The following SLC4A4 variants were observed in gnomAD, a reference collection of about 807,000 sequenced individuals.
SLC4A4 encodes the protein solute carrier family 4 member 4, also known as electrogenic sodium bicarbonate cotransporter 1.
Under a neutral mutation model 111.5 loss-of-function variants are expected in SLC4A4, and 27 were observed. The observed-to-expected ratio is 0.24, with a 90% confidence interval of 0.18 to 0.33. The LOEUF is 0.33. Among genes scored for constraint, SLC4A4 ranks in the 10% least tolerant of loss-of-function variants. The pLI is 1.00. For synonymous variants in SLC4A4, 443 were observed against 463.4 expected, an observed-to-expected ratio of 0.96 and a Z score of 0.57; for missense variants, 909 against 1,315.5, an observed-to-expected ratio of 0.69 and a Z score of 4.78.
At chr4:71,299,510 C>T (rs931422918) in intron 3 of SLC4A4, among the ~76,000 whole-genome samples, 2 of 152,108 alleles carry the variant, frequency 1.3e-5, no homozygotes, top group Non-Finnish European at 2.9e-5. Context: ...TATAAGCCTC[C>T]GAGTAGGCTG....
chr4:71,224,673 G>A (rs1318377842), intron 1 of SLC4A4, among the ~76,000 whole-genome samples: 1 of 152,208 alleles, frequency 6.6e-6, no homozygotes, highest in Non-Finnish European at 1.5e-5. Context: ...GATTGCTACA[G>A]GATGCTCCGG....
At chr4:71,272,041 G>A (rs1722738920) in intron 3 of SLC4A4, among the ~76,000 whole-genome samples, 1 of 152,182 alleles carries the variant, frequency 6.6e-6, no homozygotes, top group African/African-American at 2.4e-5. Flanking sequence ...TACAGCCTGT[G>A]TCCTCACCAT....
chr4:71,264,650 C>T (rs1320839205), intron 3 of SLC4A4, among the ~76,000 whole-genome samples: 4 of 152,110 alleles, frequency 2.6e-5, no homozygotes, highest in Admixed American at 2.6e-4. Flanking sequence ...ATCCAGAACA[C>T]ATGCATGAGC....
rs753160492 is a variant in SLC4A4 at position 71,329,982 on chromosome 4, C to T, written c.254-9388C>T. 5.9e-5 allele frequency among the ~76,000 whole-genome samples: 9 copies of T among 152,188 alleles called. No individual in the cohort carries two copies. The South Asian group carries it at 1.9e-3, about 32-fold the overall frequency. ...TATTAATATTATATTGAGGTATGTTCCTTCTGTAACCAGATTTTAGAGGGT... is the reference window on the plus strand; with the variant it reads ...TATTAATATTATATTGAGGTATGTTTCTTCTGTAACCAGATTTTAGAGGGT... On this transcript the variant is annotated intron_variant, in intron 3 of 25. Transcript: ENST00000264485.
intron 2 of SLC4A4, among the ~76,000 whole-genome samples, chr4:71,116,163 G>A (rs1416655268): frequency 6.6e-6 from 1 of 152,150 alleles, no homozygotes; most frequent in Non-Finnish European, 1.5e-5. Flanking sequence ...CAAAGTGCTG[G>A]GATTATAGGT....
intron 2 of SLC4A4, among the ~76,000 whole-genome samples, chr4:71,245,729 C>T (rs1010729048): frequency 1.3e-5 from 2 of 151,992 alleles, no homozygotes; most frequent in African/African-American, 4.8e-5. Flanking sequence ...ATCTGGGAGT[C>T]CTAGGCATAT....
At chr4:71,141,231 A>G (rs911189926) in intron 2 of SLC4A4, among the ~76,000 whole-genome samples, 2 of 152,218 alleles carry the variant, frequency 1.3e-5, no homozygotes, top group Admixed American at 6.5e-5. Context: ...CAGCTTCCAC[A>G]TATAAGTGAA....
intron 15 of SLC4A4, among the ~76,000 whole-genome samples, chr4:71,497,171 G>A (rs966495139): frequency 6.6e-6 from 1 of 152,120 alleles, no homozygotes; most frequent in Non-Finnish European, 1.5e-5. Context: ...TTGAGACTTA[G>A]AATATTAATG....
chr4:71,165,443 T>C (rs1363881803), intron 2 of SLC4A4, among the ~76,000 whole-genome samples: 2 of 152,004 alleles, frequency 1.3e-5, no homozygotes, highest in Admixed American at 1.3e-4. Context: ...CTCAGCAAAC[T>C]AACAGAGGAA....
At position 71,249,008 on chromosome 4, in the gene SLC4A4, A is replaced by G. The variant is rs921073033; in HGVS notation, c.74-6212A>G. 7.9e-5 allele frequency among the ~76,000 whole-genome samples: 12 copies of G among 152,252 alleles called. No homozygotes were observed. The East Asian group carries it at 2.3e-3, about 29-fold the overall frequency. On this transcript the variant is annotated intron_variant, in intron 2 of 25. Coordinates refer to ENST00000264485, the MANE Select transcript of SLC4A4 (RefSeq NM_001098484.3). ...TTCTTGCCTAGAGATTGTTATCACTATTATTATCATCATCAAATATTAAAT... is the reference window on the plus strand; with the variant it reads ...TTCTTGCCTAGAGATTGTTATCACTGTTATTATCATCATCAAATATTAAAT...
chr4:71,481,069 C>T (rs2149122390), intron 14 of SLC4A4, among the ~76,000 whole-genome samples: 1 of 151,726 alleles, frequency 6.6e-6, no homozygotes, highest in South Asian at 2.1e-4. Flanking sequence ...GCACAGTAAC[C>T]TTATGAGGTA....
At chr4:71,292,127 A>T (rs1395790405) in intron 3 of SLC4A4, among the ~76,000 whole-genome samples, 1 of 152,218 alleles carries the variant, frequency 6.6e-6, no homozygotes, top group African/African-American at 2.4e-5. Flanking sequence ...TCTTCGATTC[A>T]ACTAATTAGC....
chr4:71,489,290 C>A (rs1729691476), intron 15 of SLC4A4, among the ~76,000 whole-genome samples: 1 of 151,700 alleles, frequency 6.6e-6, no homozygotes, highest in Non-Finnish European at 1.5e-5. Context: ...CCTCTAGAAT[C>A]TGCCTTATTT....
chr4:71,170,031 T>C (rs1296454589), intron 2 of SLC4A4, among the ~76,000 whole-genome samples: 5 of 152,220 alleles, frequency 3.3e-5, no homozygotes, highest in Admixed American at 6.5e-5. Flanking sequence ...TTGAATCTGC[T>C]GTTTTCTCTG....
At chr4:71,378,585 A>G (rs919078022) in intron 6 of SLC4A4, among the ~76,000 whole-genome samples, 1 of 152,222 alleles carries the variant, frequency 6.6e-6, no homozygotes, top group African/African-American at 2.4e-5. Context: ...ATGATTGGAG[A>G]CAGCTCAAGC....
chr4:71,107,947 G>A (rs1452381536), intron 2 of SLC4A4, among the ~76,000 whole-genome samples: 2 of 152,040 alleles, frequency 1.3e-5, no homozygotes, highest in South Asian at 4.2e-4. Context: ...ATACTATATA[G>A]CTATTTCCTT....
chr4:71,129,537 C>T (rs188077460), intron 2 of SLC4A4, among the ~76,000 whole-genome samples: 6 of 152,158 alleles, frequency 3.9e-5, no homozygotes, highest in Non-Finnish European at 5.9e-5. Flanking sequence ...TGAGTTCAGC[C>T]ATTGTGGAAA....
chr4:71,553,732 G>C (rs544264864), intron 20 of SLC4A4, among the ~76,000 whole-genome samples: 2 of 151,722 alleles, frequency 1.3e-5, no homozygotes, highest in Non-Finnish European at 2.9e-5. Context: ...ACAAGGAATA[G>C]AAACATGCAC....
chr4:71,333,304 T>G (rs1214720154), intron 3 of SLC4A4, among the ~76,000 whole-genome samples: 1 of 152,236 alleles, frequency 6.6e-6, no homozygotes, highest in Non-Finnish European at 1.5e-5. Flanking sequence ...ACCACCTTTG[T>G]GGTTGTGTTA....
Sources: gnomAD v4.1 joint callset for allele counts (sites outside exome capture counted in the v4.1 genomes callset) on GRCh38, gnomAD v4.1.1 for gene constraint, MANE v1.5 for transcripts, NCBI Gene and HGNC (gene_info 2026-07-23, HGNC 2026-07-21) for gene names.